The following ZFP30 variants were observed in gnomAD, a reference collection of about 807,000 sequenced individuals.
The protein encoded by ZFP30 is zinc finger protein 30 homolog.
ZFP30 carries 16 observed loss-of-function variants against 12.3 expected under a neutral mutation model. The ratio of observed to expected loss-of-function variants is 1.30; its 90% CI spans 0.88 to 1.98. ZFP30 has a LOEUF of 1.98. Ranked by LOEUF, ZFP30 falls within the 30% of genes most tolerant of loss-of-function variation. The probability of loss-of-function intolerance (pLI) is 0.00; values close to 1 mark genes in which losing one functional copy is unlikely to be tolerated. For missense variants in ZFP30, 560 were observed against 611.2 expected (o/e 0.92, Z 0.88); for synonymous variants, 172 against 201.0 (o/e 0.86, Z 1.22).
chr19:37,647,984 T>C lies in ZFP30; in HGVS notation c.-77-85A>G, dbSNP rs1233133247. 8.6e-6 allele frequency: 6 copies of C among 699,070 alleles called. No homozygotes were observed. The East Asian group carries it at 1.3e-4, about 16-fold the overall frequency. 43.3% of individuals were successfully genotyped at this position (699,070 alleles called of 1,614,324 possible). A position where few individuals can be genotyped will look rare whatever the true frequency, so the allele number is the denominator to read the frequency against. Reference sequence around the variant, plus strand: ...AAAACTGGTACTACTTCTCCATTCCTATATGCAACTCCCACCCCCAACACA... The same window carrying C: ...AAAACTGGTACTACTTCTCCATTCCCATATGCAACTCCCACCCCCAACACA... On this transcript the variant is annotated intron_variant, in intron 2 of 5. Coordinates refer to ENST00000684514, the MANE Select transcript of ZFP30 (RefSeq NM_001320669.3).
In ZFP30 at chr19:37,647,900, C is replaced by G; in HGVS notation, c.-77-1G>C. The G allele has an allele frequency of 1.3e-6, 2 of 1,531,014 alleles. No individual in the cohort carries two copies. Among genetic ancestry groups the G allele is most frequent in the Non-Finnish European group, 1.8e-6 (2 of 1,108,496 alleles). 94.8% of individuals were successfully genotyped at this position (1,531,014 alleles called of 1,614,324 possible). On this transcript the variant is annotated splice_acceptor_variant, in intron 2 of 5. Coordinates refer to ENST00000684514, the MANE Select transcript of ZFP30 (RefSeq NM_001320669.3). LOFTEE classifies it low-confidence loss of function (5UTR_SPLICE). Reference sequence around the variant, plus strand: ...GAAGCAGGGTCCACAGACACCAGAGCTGCAGAAAGAACATGTAAAATCATG... The same window carrying G: ...GAAGCAGGGTCCACAGACACCAGAGGTGCAGAAAGAACATGTAAAATCATG...
At chr19:37,640,663 GATTGC>G (rs1220962603) in intron 5 of ZFP30, among the ~76,000 whole-genome samples, 1 of 151,414 alleles carries the variant, frequency 6.6e-6, no homozygotes, top group Non-Finnish European at 1.5e-5. Flanking sequence ...GAGGCAGACA[GATTGC>G]ATGAACCCAG....
intron 2 of ZFP30, 137 bp from the exon 3 acceptor site, chr19:37,648,036 A>G: frequency 6.9e-6 from 4 of 580,364 alleles, no homozygotes; most frequent in Non-Finnish European, 1.2e-5. Flanking sequence ...GGTAAGAGGT[A>G]GTTTAGACAA....
At position 37,634,780 on chromosome 19, in the gene ZFP30, A is replaced by C. The variant is rs755694516; in HGVS notation, c.*201T>G. The C allele has an allele frequency of 1.9e-6, 1 of 531,546 alleles. No individual in the cohort carries two copies. The highest frequency in any genetic ancestry group is 3.0e-6 in the Non-Finnish European group (1 of 334,466). 32.9% of individuals were successfully genotyped at this position (531,546 alleles called of 1,614,324 possible). On this transcript the variant is annotated 3_prime_UTR_variant, in exon 6 of 6. Coordinates refer to ENST00000684514, the MANE Select transcript of ZFP30 (RefSeq NM_001320669.3). ...TGTAATAAAGTTCTTTTCTAGGATG[A>C]ATTTCCTAAAGTTTAACATGGTTTC...
chr19:37,637,062 T>C (rs1326146515), intron 5 of ZFP30, among the ~76,000 whole-genome samples: 1 of 152,122 alleles, frequency 6.6e-6, no homozygotes, highest in African/African-American at 2.4e-5. Flanking sequence ...CTCCCAGGAA[T>C]CCTGACTTGG....
At chr19:37,648,701 C>T (rs887445898) in intron 2 of ZFP30, among the ~76,000 whole-genome samples, 19 of 152,148 alleles carry the variant, frequency 1.2e-4, no homozygotes, top group African/African-American at 4.6e-4. Flanking sequence ...CCAGATGCCA[C>T]ACTTTGAGAA....
At chr19:37,650,878 C>T (rs2044636429) in intron 2 of ZFP30, among the ~76,000 whole-genome samples, 1 of 151,990 alleles carries the variant, frequency 6.6e-6, no homozygotes, top group South Asian at 2.1e-4. Flanking sequence ...GCTGGGATTA[C>T]AGGCACACAC....
At chr19:37,644,935 G>A (rs992028545) in intron 3 of ZFP30, among the ~76,000 whole-genome samples, 199 bp from the exon 4 acceptor site, 43 of 151,912 alleles carry the variant, frequency 2.8e-4, no homozygotes, top group African/African-American at 2.7e-4. Flanking sequence ...AGGCCGGCGC[G>A]GTGGCTCACA....
rs1473915855 is a variant in ZFP30, at chr19:37,635,786, C to CT, written c.754dup (p.Arg252LysfsTer3). 5 of 1,614,166 alleles carry CT rather than the reference C, an allele frequency of 3.1e-6. No homozygotes were observed. The South Asian group carries it at 5.5e-5, about 18-fold the overall frequency. On this transcript the variant is annotated frameshift_variant, in exon 6 of 6. Transcript: ENST00000684514. LOFTEE classifies it low-confidence loss of function (END_TRUNC). The stretch of plus-strand genomic sequence containing the variant: ...ATGGAGATTAAGTTGTCCTCTAACT[C>CT]TAAAGGCTTTCCCACATTCTTTACA...
intron 2 of ZFP30, among the ~76,000 whole-genome samples, chr19:37,649,765 A>C (rs2044612319): frequency 6.6e-6 from 1 of 151,974 alleles, no homozygotes; most frequent in Admixed American, 6.6e-5. Context: ...TCAAGGCTGC[A>C]GTGAGCCCCG....
rs77853840 is a variant in ZFP30 at position 37,633,359 on chromosome 19, C to G, written c.*1622G>C. 3 of 152,136 alleles carry G rather than the reference C, an allele frequency of 2.0e-5. No individual in the cohort carries two copies. The highest frequency in any genetic ancestry group is 4.4e-5 in the Non-Finnish European group (3 of 68,000). The allele number at this position is 152,136 out of a possible 1,614,324, so 9.4% of individuals were successfully genotyped here. ...ACAAGTTTTAATATGTAGAAATTTT[C>G]TTTTTTTCTTTGAGATAGAGTTTTG... is the stretch of plus-strand genomic sequence containing the variant. On this transcript the variant is annotated 3_prime_UTR_variant, in exon 6 of 6. Coordinates refer to ENST00000684514, the MANE Select transcript of ZFP30 (RefSeq NM_001320669.3).
At chr19:37,643,066 A>AG (rs979995811) in intron 5 of ZFP30, among the ~76,000 whole-genome samples, 199 bp downstream of exon 5, 1 of 151,278 alleles carries the variant, frequency 6.6e-6, no homozygotes, top group Non-Finnish European at 1.5e-5. Context: ...AAAAAAAAAA[A>AG]AAAAAGAAAA....
intron 3 of ZFP30, among the ~76,000 whole-genome samples, chr19:37,645,339 G>C (rs2147276992): frequency 6.6e-6 from 1 of 152,266 alleles, no homozygotes; most frequent in Admixed American, 6.5e-5. Flanking sequence ...ATGTGAGTGT[G>C]ACTGAAGCAG....
At chr19:37,649,823 TA>T (rs199505270) in intron 2 of ZFP30, among the ~76,000 whole-genome samples, 10 of 115,720 alleles carry the variant, frequency 8.6e-5, no homozygotes, top group Non-Finnish European at 7.2e-5. Flanking sequence ...TACCCCGTCT[TA>T]AAAAAAAAAG....
intron 5 of ZFP30, among the ~76,000 whole-genome samples, chr19:37,641,045 G>A (rs971682934): frequency 6.6e-6 from 1 of 152,168 alleles, no homozygotes; most frequent in African/African-American, 2.4e-5. Context: ...CTCAGGTTCA[G>A]ACGATAATCT....
In ZFP30 at chr19:37,634,760, T is replaced by TA. The variant is rs2044286710; in HGVS notation, c.*220dup. ...AGCTTTTCCACATTCAGTCCTGTAATAAAGTTCTTTTCTAGGATGAATTTC... is the reference window on the plus strand; with the variant it reads ...AGCTTTTCCACATTCAGTCCTGTAATAAAAGTTCTTTTCTAGGATGAATTTC... On this transcript the variant is annotated 3_prime_UTR_variant, in exon 6 of 6. Transcript: ENST00000684514. 1 of 463,836 alleles carries TA rather than the reference T, an allele frequency of 2.2e-6. No homozygotes were observed. The highest frequency in any genetic ancestry group is 3.6e-6 in the Non-Finnish European group (1 of 275,740). 28.7% of individuals were successfully genotyped at this position (463,836 alleles called of 1,614,324 possible). A position where few individuals can be genotyped will look rare whatever the true frequency, so the allele number is the denominator to read the frequency against.
In ZFP30 at chr19:37,644,667, G is replaced by A. The variant is rs972640897; in HGVS notation, c.79C>T (p.Gln27Ter). ...ATCACATCTCTGTACAAATTCCTCT[G>A]ATATGAGTTCAGGCATTCCCATTCT... ...QEEWECLNSY[Q>*]RNLYRDVILE... The change falls in exon 4 of 6, where the codon CAG becomes TAG. Residue 27 changes from glutamine to a stop codon, truncating the protein, a stop_gained. Coordinates refer to ENST00000684514, the MANE Select transcript of ZFP30 (RefSeq NM_001320669.3). LOFTEE classifies it high-confidence loss of function. 1.2e-6 allele frequency: 2 copies of A among 1,613,300 alleles called. No homozygotes were observed. The highest frequency in any genetic ancestry group is 1.7e-6 in the Non-Finnish European group (2 of 1,179,652).
rs1401954955 is a variant in ZFP30 at position 37,633,171 on chromosome 19, A to C, written c.*1810T>G. On this transcript the variant is annotated 3_prime_UTR_variant, in exon 6 of 6. Coordinates refer to ENST00000684514, the MANE Select transcript of ZFP30 (RefSeq NM_001320669.3). ...GGGCGAAAGAGCGAGACTCCGTCTC[A>C]AAAAAAAAAAAAAAAAAGGTGCATA... 2 of 78,064 alleles carry C rather than the reference A, an allele frequency of 2.6e-5. No individual in the cohort carries two copies. The highest frequency in any genetic ancestry group is 7.8e-5 in the Non-Finnish European group (2 of 25,528). The allele number at this position is 78,064 out of a possible 1,614,324, so 4.8% of individuals were successfully genotyped here. A position where few individuals can be genotyped will look rare whatever the true frequency, so the allele number is the denominator to read the frequency against.
chr19:37,654,389 A>T (rs1156919547), intron 2 of ZFP30, among the ~76,000 whole-genome samples: 2 of 152,218 alleles, frequency 1.3e-5, no homozygotes, highest in Non-Finnish European at 2.9e-5. Flanking sequence ...AAACATATCT[A>T]AACCCTAAAA....
Sources: gnomAD v4.1 joint callset for allele counts (sites outside exome capture counted in the v4.1 genomes callset) on GRCh38, gnomAD v4.1.1 for gene constraint, MANE v1.5 for transcripts, NCBI Gene and HGNC (gene_info 2026-07-23, HGNC 2026-07-21) for gene names.